The following WWOX variants were observed in gnomAD, a reference collection of about 807,000 sequenced individuals.
WWOX encodes WW domain-containing oxidoreductase.
A neutral mutation model predicts 46.2 loss-of-function variants in WWOX; 69 were observed. That is an observed-to-expected ratio of 1.49 (90% confidence interval 1.23 to 1.82). The LOEUF (loss-of-function observed/expected upper bound fraction) is 1.82. Among genes scored for constraint, WWOX ranks in the 40% most tolerant of loss-of-function variants. WWOX has a pLI of 0.00. For synonymous variants in WWOX, 359 were observed against 202.6 expected (o/e 1.77, Z -6.56); for missense variants, 919 against 542.6 (o/e 1.69, Z -6.89).
intron 8 of WWOX, among the ~76,000 whole-genome samples, chr16:78,790,208 C>T (rs540174834): frequency 3.9e-5 from 6 of 152,154 alleles, no homozygotes; most frequent in Non-Finnish European, 5.9e-5. Flanking sequence ...GCGATCTCAG[C>T]TCACTGCAAC....
At chr16:78,938,597 C>T (rs1245943892) in intron 8 of WWOX, among the ~76,000 whole-genome samples, 1 of 152,008 alleles carries the variant, frequency 6.6e-6, no homozygotes, top group Non-Finnish European at 1.5e-5. Context: ...CGTCTCTGGG[C>T]ATTTTAGTTT....
chr16:78,101,613 G>T (rs868682019), intron 1 of WWOX, among the ~76,000 whole-genome samples: 1 of 152,062 alleles, frequency 6.6e-6, no homozygotes, highest in Non-Finnish European at 1.5e-5. Flanking sequence ...GAGCCACTGC[G>T]TCAGCCCAGA....
intron 8 of WWOX, among the ~76,000 whole-genome samples, chr16:78,675,145 G>A (rs538453182): frequency 1.3e-5 from 2 of 152,222 alleles, no homozygotes; most frequent in South Asian, 2.1e-4. Flanking sequence ...TCCTCAAAAC[G>A]TTCATCAAAA....
chr16:79,025,957 C>A (rs987747731), intron 8 of WWOX, among the ~76,000 whole-genome samples: 1 of 148,810 alleles, frequency 6.7e-6, no homozygotes, highest in Non-Finnish European at 1.5e-5. Context: ...TATCACCACG[C>A]CGAGCTAATG....
intron 8 of WWOX, among the ~76,000 whole-genome samples, chr16:78,579,492 G>T (rs2044993306): frequency 1.3e-5 from 2 of 152,146 alleles, no homozygotes; most frequent in South Asian, 4.1e-4. Flanking sequence ...AAACCAGGGG[G>T]TAGGAAACAA....
intron 8 of WWOX, among the ~76,000 whole-genome samples, chr16:78,810,635 C>A (rs999034529): frequency 1.3e-5 from 2 of 152,206 alleles, no homozygotes; most frequent in African/African-American, 2.4e-5. Flanking sequence ...ATTTCTTCCG[C>A]TGAACAGGAC....
intron 8 of WWOX, among the ~76,000 whole-genome samples, chr16:79,168,849 G>T (rs1422204864): frequency 6.6e-6 from 1 of 152,182 alleles, no homozygotes; most frequent in Non-Finnish European, 1.5e-5. Flanking sequence ...TCCATCAGCT[G>T]TGGCCTCGAG....
chr16:79,047,672 ATTTTTTTTTTT>A (rs71140858), intron 8 of WWOX, among the ~76,000 whole-genome samples: 13 of 53,542 alleles, frequency 2.4e-4, no homozygotes, highest in Non-Finnish European at 4.2e-4. Flanking sequence ...GACTGTCCTG[ATTTTTTTTTTT>A]TTTTTTTTTT....
intron 5 of WWOX, among the ~76,000 whole-genome samples, chr16:78,233,576 G>T (rs2151810557): frequency 6.8e-6 from 1 of 148,016 alleles, no homozygotes; most frequent in Admixed American, 6.8e-5. Context: ...GCCCAGGCTG[G>T]AGTGCACTAT....
intron 8 of WWOX, among the ~76,000 whole-genome samples, chr16:79,033,394 A>G (rs1489636302): frequency 2.0e-5 from 3 of 149,208 alleles, no homozygotes; most frequent in African/African-American, 7.4e-5. Flanking sequence ...AGACTCTAAT[A>G]ATTATTTTTT....
At chr16:78,532,678 G>T (rs1357067298) in intron 8 of WWOX, among the ~76,000 whole-genome samples, 1 of 152,196 alleles carries the variant, frequency 6.6e-6, no homozygotes, top group Non-Finnish European at 1.5e-5. Flanking sequence ...GGCAGAAGGT[G>T]AAAGGCACAT....
chr16:79,037,697 C>T (rs938395708), intron 8 of WWOX, among the ~76,000 whole-genome samples: 4 of 152,132 alleles, frequency 2.6e-5, no homozygotes, highest in South Asian at 2.1e-4. Flanking sequence ...GCCTCACAAT[C>T]GCAAGCCAGG....
intron 8 of WWOX, among the ~76,000 whole-genome samples, chr16:78,661,527 AG>A (rs1314114829): frequency 3.9e-5 from 6 of 152,222 alleles, no homozygotes; most frequent in South Asian, 2.1e-4. Context: ...TTTATGATTT[AG>A]CTTTCACCGC....
At chr16:78,503,906 T>C (rs375740256) in intron 8 of WWOX, 2 of 152,244 alleles carry the variant, frequency 1.3e-5, no homozygotes, top group East Asian at 3.8e-4. Flanking sequence ...ATAATATGCA[T>C]GCGACTAAGT....
intron 5 of WWOX, among the ~76,000 whole-genome samples, chr16:78,259,471 C>G (rs994682230): frequency 6.6e-6 from 1 of 151,800 alleles, no homozygotes; most frequent in African/African-American, 2.4e-5. Context: ...GGACTACAGG[C>G]ACACGCCACT....
intron 8 of WWOX, among the ~76,000 whole-genome samples, chr16:78,485,342 G>C (rs1261407295): frequency 1.3e-5 from 2 of 152,080 alleles, no homozygotes; most frequent in East Asian, 3.9e-4. Flanking sequence ...TCTGTGTTGG[G>C]CCTGCCCAGT....
intron 8 of WWOX, chr16:78,899,419 C>T (rs558454456): frequency 5.9e-5 from 9 of 152,282 alleles, no homozygotes; most frequent in South Asian, 4.1e-4. Context: ...TTATTTACCC[C>T]GTATGTCACT....
At chr16:78,769,624 G>C (rs2050015947) in intron 8 of WWOX, among the ~76,000 whole-genome samples, 1 of 148,014 alleles carries the variant, frequency 6.8e-6, no homozygotes, top group African/African-American at 2.5e-5. Flanking sequence ...ATCCAGTTAG[G>C]AGACAGAAAC....
intron 7 of WWOX, among the ~76,000 whole-genome samples, chr16:78,431,806 T>G (rs1048425301): frequency 3.3e-5 from 5 of 152,060 alleles, no homozygotes; most frequent in Admixed American, 6.5e-5. Flanking sequence ...AACGTTGACC[T>G]CCCAGGCTGA....
Sources: gnomAD v4.1 joint callset for allele counts (sites outside exome capture counted in the v4.1 genomes callset) on GRCh38, gnomAD v4.1.1 for gene constraint, MANE v1.5 for transcripts, NCBI Gene and HGNC (gene_info 2026-07-23, HGNC 2026-07-21) for gene names.